Variants in MAF observed in about 807,000 individuals in gnomAD.
MAF encodes the protein MAF bZIP transcription factor.
Under a neutral mutation model 22.0 loss-of-function variants are expected in MAF, and 10 were observed. The ratio of observed to expected loss-of-function variants is 0.45; its 90% confidence interval spans 0.28 to 0.77. MAF has a LOEUF of 0.77. MAF is among the 30% of genes least tolerant of loss of function. The pLI is 0.12. For synonymous variants in MAF, 337 were observed against 255.8 expected, an observed-to-expected ratio of 1.32 and a Z score of -3.03; for missense variants, 544 against 548.4, an observed-to-expected ratio of 0.99 and a Z score of 0.08.
At chr16:79,414,964 C>A in the MAF span, among the ~76,000 whole-genome samples, 19 of 152,312 alleles carry the variant, frequency 1.2e-4, no homozygotes, top group East Asian at 9.6e-4. Flanking sequence ...GGAACAGAGA[C>A]CACAGGAAAT....
the MAF span, chr16:79,204,398 T>C: frequency 2.0e-5 from 3 of 152,144 alleles, no homozygotes; most frequent in African/African-American, 7.2e-5. Flanking sequence ...CGTTTCTTTT[T>C]CCTTCCCTCG....
At chr16:79,310,763 A>G in the MAF span, among the ~76,000 whole-genome samples, 1 of 152,182 alleles carries the variant, frequency 6.6e-6, no homozygotes, top group South Asian at 2.1e-4. Flanking sequence ...GGGAAATTGT[A>G]GCTTCTCAGC....
At chr16:79,428,122 T>C in the MAF span, among the ~76,000 whole-genome samples, 5 of 148,534 alleles carry the variant, frequency 3.4e-5, no homozygotes, top group African/African-American at 1.3e-4. Flanking sequence ...AAAAAGCTTT[T>C]CTGCTGTGAA....
the MAF span, among the ~76,000 whole-genome samples, chr16:79,283,485 C>T: frequency 6.6e-6 from 1 of 152,154 alleles, no homozygotes; most frequent in Non-Finnish European, 1.5e-5. Context: ...AATTTGTAGT[C>T]CCAAATTCTA....
chr16:79,292,366 C>T, the MAF span, among the ~76,000 whole-genome samples: 13 of 152,142 alleles, frequency 8.5e-5, 1 homozygote, highest in Admixed American at 6.5e-5. Context: ...ATGGCAACCA[C>T]CAGAAGCTAG....
At chr16:79,229,939 A>G in the MAF span, among the ~76,000 whole-genome samples, 1 of 151,986 alleles carries the variant, frequency 6.6e-6, no homozygotes, top group African/African-American at 2.4e-5. Flanking sequence ...GCAATGTTAA[A>G]CACACAGCCC....
Position 79,587,528 on chromosome 16 carries a change from T to A in MAF, c.1119-1587A>T, listed in dbSNP as rs757413298. Among the ~76,000 whole-genome samples, 154 of 152,186 alleles carry A rather than the reference T, an allele frequency of 1.0e-3. 1 individual carries two copies. Among genetic ancestry groups the A allele is most frequent in the Non-Finnish European group, 4.3e-4 (29 of 68,036 alleles). ...GTGGGGAGAATATTTTTGTAATTCC[T>A]TGGGGACGTTGCAAACATATGTTAA... On this transcript the variant is annotated intron_variant, in intron 1 of 1. Transcript: ENST00000569649.
At chr16:79,566,571 C>T in the MAF span, among the ~76,000 whole-genome samples, 3 of 152,340 alleles carry the variant, frequency 2.0e-5, no homozygotes, top group Admixed American at 2.0e-4. Context: ...TCACTCTGCA[C>T]CCTCGTGGCC....
the MAF span, among the ~76,000 whole-genome samples, chr16:79,310,699 C>A: frequency 1.3e-5 from 2 of 152,320 alleles, no homozygotes; most frequent in East Asian, 3.9e-4. Flanking sequence ...ATTTCTCTTT[C>A]CCTCTGTGGC....
the MAF span, among the ~76,000 whole-genome samples, chr16:79,452,760 A>G: frequency 6.6e-6 from 1 of 152,072 alleles, no homozygotes; most frequent in East Asian, 1.9e-4. Context: ...CCACTTCCAG[A>G]CCTGGTCCAT....
At chr16:79,216,598 G>A in the MAF span, among the ~76,000 whole-genome samples, 6 of 152,040 alleles carry the variant, frequency 3.9e-5, no homozygotes, top group Non-Finnish European at 7.4e-5. Context: ...CCAACTCTAG[G>A]TAAACTTAAG....
the MAF span, among the ~76,000 whole-genome samples, chr16:79,349,941 G>A: frequency 6.6e-6 from 1 of 152,228 alleles, no homozygotes; most frequent in East Asian, 1.9e-4. Flanking sequence ...CAAAAGTATG[G>A]CACCCTTCAA....
the MAF span, among the ~76,000 whole-genome samples, chr16:79,363,412 C>T: frequency 6.6e-6 from 1 of 152,178 alleles, no homozygotes; most frequent in Non-Finnish European, 1.5e-5. Context: ...CAGAACACTT[C>T]AATTAGCCTA....
At chr16:79,583,472 GGTAA>G (rs980924543), downstream of MAF, among the ~76,000 whole-genome samples, 2 of 152,132 alleles carry the variant, frequency 1.3e-5, no homozygotes, top group Non-Finnish European at 2.9e-5. Context: ...CTCTCCCCTA[GGTAA>G]GTAAGTGTCC....
the MAF span, among the ~76,000 whole-genome samples, chr16:79,262,835 G>C: frequency 6.6e-6 from 1 of 152,180 alleles, no homozygotes; most frequent in Admixed American, 6.5e-5. Flanking sequence ...CTAGAAGCTG[G>C]TGGGTGAACG....
chr16:79,484,721 G>A, the MAF span, among the ~76,000 whole-genome samples: 1 of 152,240 alleles, frequency 6.6e-6, no homozygotes, highest in South Asian at 2.1e-4. Context: ...ACACTGGCCT[G>A]CTGGTGATGA....
At chr16:79,430,834 G>T in the MAF span, among the ~76,000 whole-genome samples, 85 of 152,276 alleles carry the variant, frequency 5.6e-4, 2 homozygotes, top group Middle Eastern at 0.014. Flanking sequence ...CTCTGCTCTT[G>T]GCCTCAGCAC....
chr16:79,405,448 A>C, the MAF span, among the ~76,000 whole-genome samples: 1 of 152,230 alleles, frequency 6.6e-6, no homozygotes, highest in African/African-American at 2.4e-5. Flanking sequence ...AAAGTAATTT[A>C]CCATCTGAGG....
At chr16:79,369,906 A>T in the MAF span, among the ~76,000 whole-genome samples, 1 of 152,230 alleles carries the variant, frequency 6.6e-6, no homozygotes, top group East Asian at 1.9e-4. Context: ...ACCAAACACC[A>T]GGCCTCCAAA....
Sources: allele counts gnomAD v4.1 joint callset (sites outside exome capture counted in the v4.1 genomes callset), GRCh38; gene constraint gnomAD v4.1.1; transcripts MANE v1.5; gene names NCBI Gene and HGNC (gene_info 2026-07-23, HGNC 2026-07-21).